Variants in TMPRSS15 observed in about 807,000 individuals in gnomAD.
TMPRSS15 encodes enteropeptidase.
A neutral mutation model predicts 125.3 loss-of-function variants in TMPRSS15; 128 were observed. That is an observed-to-expected ratio of 1.02 (90% CI 0.89 to 1.18). The LOEUF (loss-of-function observed/expected upper bound fraction) is 1.18, where lower values mean the gene tolerates loss of function less well. Among genes scored for constraint, TMPRSS15 ranks in the 50% most tolerant of loss-of-function variants. The pLI, the probability that TMPRSS15 is intolerant of heterozygous loss-of-function variation, is 0.00. For missense variants in TMPRSS15, 1,283 were observed against 1,212.7 expected (o/e 1.06, Z -0.86); for synonymous variants, 446 against 423.2 (o/e 1.05, Z -0.66).
intron 1 of TMPRSS15, among the ~76,000 whole-genome samples, chr21:18,481,629 A>G (rs2123292074): frequency 6.6e-6 from 1 of 151,802 alleles, no homozygotes; most frequent in Admixed American, 6.6e-5. Flanking sequence ...TAAACAAAAA[A>G]TCCAAGTCCT....
chr21:18,463,163 T>G (rs150765172), intron 1 of TMPRSS15, among the ~76,000 whole-genome samples: 9 of 143,416 alleles, frequency 6.3e-5, no homozygotes, highest in African/African-American at 2.1e-4. Flanking sequence ...GGGTGCTGTA[T>G]TCAGGAGACC....
Position 18,313,096 on chromosome 21 carries a change from TAATGGTAG to T in TMPRSS15, c.2033-27_2033-20del, listed in dbSNP as rs1308719392. 6 of 1,569,160 alleles carry T rather than the reference TAATGGTAG, an allele frequency of 3.8e-6. No individual in the cohort carries two copies. The African/African-American group carries it at 8.1e-5, about 21-fold the overall frequency. Reference sequence around the variant, plus strand: ...AAACGCACTAAAGACACAGAGAGCATAATGGTAGTTACCAGAGACTGAAGGGTGCGGAG... The same window carrying T: ...AAACGCACTAAAGACACAGAGAGCATTTACCAGAGACTGAAGGGTGCGGAG... On this transcript the variant is annotated intron_variant, in intron 17 of 24. Transcript: ENST00000284885.
chr21:18,274,653 A>G (rs1156570180), intron 24 of TMPRSS15, among the ~76,000 whole-genome samples: 1 of 152,210 alleles, frequency 6.6e-6, no homozygotes, highest in Non-Finnish European at 1.5e-5. Context: ...ATGCCAGTCT[A>G]TTAAGTTATT....
chr21:18,451,138 T>G (rs1486740547), intron 1 of TMPRSS15, among the ~76,000 whole-genome samples: 1 of 152,184 alleles, frequency 6.6e-6, no homozygotes, highest in African/African-American at 2.4e-5. Context: ...AGGATTTTAT[T>G]GTAATACAGT....
At position 18,343,510 on chromosome 21, in the gene TMPRSS15, A is replaced by G. The variant is rs775163227; in HGVS notation, c.1424T>C (p.Phe475Ser). The G allele has an allele frequency of 1.9e-6, 3 of 1,609,432 alleles. No individual in the cohort carries two copies. In the African/African-American group the frequency reaches 4.0e-5, roughly 22 times the overall value. The stretch of plus-strand genomic sequence containing the variant: ...ATAATAAAGTATTTTGCAAACCTTA[A>G]ATTTAACTGTTTCATTTAGGGTTAC... ...GQVTLNETVK[F>S]KVAFNAFKNK... is the part of the protein sequence containing the mutation. The change falls in exon 12 of 25, where the codon TTT (phenylalanine) becomes TCT (serine). Residue 475 changes from phenylalanine to serine, a missense_variant. By Grantham distance (155) the Phe-to-Ser change is radical. Coordinates refer to ENST00000284885, the MANE Select transcript of TMPRSS15 (RefSeq NM_002772.3).
intron 10 of TMPRSS15, among the ~76,000 whole-genome samples, chr21:18,348,349 T>TA (rs755066802): frequency 3.9e-5 from 6 of 152,086 alleles, no homozygotes; most frequent in African/African-American, 7.2e-5. Context: ...ACATCCTAAT[T>TA]AAAAAGCAAA....
intron 1 of TMPRSS15, among the ~76,000 whole-genome samples, chr21:18,465,306 A>T (rs2122955381): frequency 2.0e-5 from 3 of 152,222 alleles, no homozygotes; most frequent in African/African-American, 4.8e-5. Context: ...CCAATATCAT[A>T]CAGAGTGGGA....
At chr21:18,456,680 A>T (rs972935083) in intron 1 of TMPRSS15, among the ~76,000 whole-genome samples, 3 of 152,112 alleles carry the variant, frequency 2.0e-5, no homozygotes, top group African/African-American at 7.2e-5. Flanking sequence ...TATATTATTC[A>T]TTAATGTAAA....
chr21:18,482,214 A>T (rs1978994143), intron 1 of TMPRSS15, among the ~76,000 whole-genome samples: 1 of 151,522 alleles, frequency 6.6e-6, no homozygotes, highest in Non-Finnish European at 1.5e-5. Context: ...TAGGAACATT[A>T]TCCAATATGA....
intron 1 of TMPRSS15, among the ~76,000 whole-genome samples, chr21:18,410,999 T>G (rs1220113731): frequency 2.0e-5 from 3 of 152,080 alleles, no homozygotes; most frequent in Non-Finnish European, 4.4e-5. Flanking sequence ...TACTACCAAA[T>G]CTAGTATTTA....
intron 24 of TMPRSS15, among the ~76,000 whole-genome samples, chr21:18,273,282 TA>T (rs35859531): frequency 6.6e-6 from 1 of 152,204 alleles, no homozygotes; most frequent in African/African-American, 2.4e-5. Context: ...ACTGTAAGGC[TA>T]AAAAATGATG....
At chr21:18,389,735 C>T (rs1318673548) in intron 3 of TMPRSS15, among the ~76,000 whole-genome samples, 1 of 152,120 alleles carries the variant, frequency 6.6e-6, no homozygotes, top group East Asian at 1.9e-4. Flanking sequence ...TTTTTCTAAG[C>T]ATAATCTCTT....
intron 1 of TMPRSS15, among the ~76,000 whole-genome samples, chr21:18,443,028 T>C (rs1186282097): frequency 6.6e-6 from 1 of 152,208 alleles, no homozygotes; most frequent in Non-Finnish European, 1.5e-5. Context: ...TCAAATATAC[T>C]GACCCATCTT....
intron 4 of TMPRSS15, chr21:18,380,497 A>G (rs1403600477): frequency 4.3e-6 from 2 of 465,904 alleles, no homozygotes; most frequent in African/African-American, 4.0e-5. Flanking sequence ...ATAGAGTTTG[A>G]TGATCACTAA....
chr21:18,272,228 T>C (rs1039315263), intron 24 of TMPRSS15, among the ~76,000 whole-genome samples: 1 of 151,642 alleles, frequency 6.6e-6, no homozygotes, highest in Non-Finnish European at 1.5e-5. Flanking sequence ...CCAGCATCTA[T>C]TGTTTCTTGA....
intron 13 of TMPRSS15, among the ~76,000 whole-genome samples, chr21:18,340,449 G>A (rs2075435252): frequency 1.3e-5 from 2 of 152,088 alleles, no homozygotes; most frequent in Non-Finnish European, 1.5e-5. Context: ...ACTTGGACTG[G>A]CTTTTTTGCT....
chr21:18,483,692 T>TA (rs1307476773), intron 1 of TMPRSS15, among the ~76,000 whole-genome samples: 1 of 151,950 alleles, frequency 6.6e-6, no homozygotes, highest in Non-Finnish European at 1.5e-5. Flanking sequence ...TTCCTTGAAG[T>TA]AATTGTGTGA....
intron 1 of TMPRSS15, among the ~76,000 whole-genome samples, chr21:18,419,346 C>T (rs1258844990): frequency 1.3e-5 from 2 of 151,732 alleles, no homozygotes; most frequent in African/African-American, 2.4e-5. Context: ...CTGCCTCAGC[C>T]TCCTGAGTAG....
chr21:18,307,340 C>T (rs1026920004), intron 18 of TMPRSS15, among the ~76,000 whole-genome samples: 1 of 152,100 alleles, frequency 6.6e-6, no homozygotes, highest in African/African-American at 2.4e-5. Context: ...TTATTTGTCT[C>T]TCTGTATCTG....
Sources: gnomAD v4.1 joint callset for allele counts (sites outside exome capture counted in the v4.1 genomes callset) on GRCh38, gnomAD v4.1.1 for gene constraint, MANE v1.5 for transcripts, NCBI Gene and HGNC (gene_info 2026-07-23, HGNC 2026-07-21) for gene names.